Variants in CADM1 observed in about 807,000 individuals in gnomAD.
CADM1 encodes the protein TSLC-1.
A neutral mutation model predicts 53.1 loss-of-function variants in CADM1; 15 were observed. That is an observed-to-expected ratio of 0.28 (90% CI 0.19 to 0.44). The LOEUF is 0.44. CADM1 is among the 20% of genes least tolerant of loss of function. The probability of loss-of-function intolerance (pLI) is 1.00; values close to 1 mark genes in which losing one functional copy is unlikely to be tolerated. For missense variants in CADM1, 434 were observed against 611.3 expected (o/e 0.71, Z 3.06); for synonymous variants, 281 against 243.0 (o/e 1.16, Z -1.45).
chr11:115,240,365 C>T lies in CADM1; in HGVS notation c.180G>A (p.Ala60=), dbSNP rs140607939. The change falls in exon 2 of 12, where the codon GCG becomes GCA. Residue 60 remains alanine, a synonymous_variant. Coordinates refer to ENST00000331581, the MANE Select transcript of CADM1 (RefSeq NM_001301043.2). ...TCTTATTGACTTGGCAACTGATGGT[C>T]GCAACCTCTCCCTCGATCACTGTCA... ...KDVTVIEGEV[A]TISCQVNKSD... 3.1e-6 allele frequency: 5 copies of T among 1,613,714 alleles called. No individual in the cohort carries two copies. Among genetic ancestry groups the T allele is most frequent in the South Asian group, 1.1e-5 (1 of 91,058 alleles).
chr11:115,502,757 G>A (rs1949757134), intron 1 of CADM1, among the ~76,000 whole-genome samples: 1 of 152,048 alleles, frequency 6.6e-6, no homozygotes, highest in African/African-American at 2.4e-5. Context: ...CAAATCTCAA[G>A]CTAGCACCCC....
At chr11:115,198,273 A>T in intron 9 of CADM1, 133 bp downstream of exon 9, 1 of 663,760 alleles carries the variant, frequency 1.5e-6, no homozygotes, top group East Asian at 2.8e-5. Flanking sequence ...AACCTTAAAA[A>T]ATTATAGTAT....
intron 1 of CADM1, among the ~76,000 whole-genome samples, chr11:115,432,939 C>A (rs1297489362): frequency 1.3e-5 from 2 of 152,190 alleles, no homozygotes; most frequent in African/African-American, 4.8e-5. Flanking sequence ...ATGATCAAGG[C>A]CTATCTTCCT....
At position 115,173,900 on chromosome 11, in the gene CADM1, A is replaced by C; in HGVS notation, c.*2574T>G. 1 of 971,026 alleles carries C rather than the reference A, an allele frequency of 1.0e-6. No individual in the cohort carries two copies. The highest frequency in any genetic ancestry group is 1.2e-6 in the Non-Finnish European group (1 of 816,866). The allele number at this position is 971,026 out of a possible 1,614,324, so 60.2% of individuals were successfully genotyped here. On this transcript the variant is annotated 3_prime_UTR_variant, in exon 12 of 12. Coordinates refer to ENST00000331581, the MANE Select transcript of CADM1 (RefSeq NM_001301043.2). Reference sequence around the variant, plus strand: ...TCATTATTTTATATTCCTTTAAAAAACACAAAAAACAAGTTTGTTCTTTCT... The same window carrying C: ...TCATTATTTTATATTCCTTTAAAAACCACAAAAAACAAGTTTGTTCTTTCT...
At chr11:115,267,856 C>A (rs1361923038) in intron 1 of CADM1, among the ~76,000 whole-genome samples, 1 of 151,506 alleles carries the variant, frequency 6.6e-6, no homozygotes, top group Non-Finnish European at 1.5e-5. Flanking sequence ...TCAGGAACAG[C>A]CCCCTTGGAG....
Position 115,169,462 on chromosome 11 carries a change from C to T in CADM1, c.*7012G>A. On this transcript the variant is annotated 3_prime_UTR_variant, in exon 12 of 12. Transcript: ENST00000331581. ...ATACAATTTCAGCAGCAGCAATGGG[C>T]TTTGGCAGGGAAGTAGGAGCAAAAA... The T allele has an allele frequency of 2.5e-6, 1 of 393,708 alleles. No homozygotes were observed. The highest frequency in any genetic ancestry group is 5.0e-6 in the Non-Finnish European group (1 of 198,050). 24.4% of individuals were successfully genotyped at this position (393,708 alleles called of 1,614,324 possible). A position where few individuals can be genotyped will look rare whatever the true frequency, so the allele number is the denominator to read the frequency against.
At chr11:115,443,794 C>T (rs894451343) in intron 1 of CADM1, among the ~76,000 whole-genome samples, 2 of 152,216 alleles carry the variant, frequency 1.3e-5, no homozygotes, top group Admixed American at 6.5e-5. Flanking sequence ...AAGGTATCCA[C>T]AGTACCAAGA....
At chr11:115,222,368 T>C (rs1425066128) in intron 5 of CADM1, among the ~76,000 whole-genome samples, 1 of 152,060 alleles carries the variant, frequency 6.6e-6, no homozygotes, top group African/African-American at 2.4e-5. Flanking sequence ...GCTGTCTAAA[T>C]TGTTGGGGGA....
At chr11:115,449,074 C>A (rs931321821) in intron 1 of CADM1, among the ~76,000 whole-genome samples, 1 of 152,118 alleles carries the variant, frequency 6.6e-6, no homozygotes, top group Non-Finnish European at 1.5e-5. Context: ...TATGCAGGCA[C>A]CTTGTCCAAT....
At chr11:115,478,567 TTC>T (rs200537473) in intron 1 of CADM1, among the ~76,000 whole-genome samples, 4 of 152,080 alleles carry the variant, frequency 2.6e-5, no homozygotes, top group African/African-American at 7.2e-5. Flanking sequence ...GCTTTGTATC[TTC>T]TCTCTTTCTC....
intron 1 of CADM1, among the ~76,000 whole-genome samples, chr11:115,286,929 G>A (rs189779790): frequency 1.6e-4 from 25 of 152,260 alleles, no homozygotes; most frequent in Admixed American, 1.2e-3. Flanking sequence ...AAGTACATTC[G>A]CCTAATTGAA....
intron 1 of CADM1, among the ~76,000 whole-genome samples, chr11:115,289,235 G>A (rs752685504): frequency 3.6e-4 from 54 of 152,070 alleles, no homozygotes; most frequent in South Asian, 3.1e-3. Flanking sequence ...TGTGGTGGTG[G>A]GCGCCTGTAA....
At chr11:115,195,011 A>G (rs915674245) in intron 9 of CADM1, among the ~76,000 whole-genome samples, 1 of 152,246 alleles carries the variant, frequency 6.6e-6, no homozygotes, top group East Asian at 1.9e-4. Context: ...GCATTGCTCA[A>G]CATGCACACA....
intron 1 of CADM1, among the ~76,000 whole-genome samples, chr11:115,494,847 A>C (rs1949575211): frequency 1.3e-5 from 2 of 152,202 alleles, no homozygotes; most frequent in South Asian, 4.1e-4. Context: ...CATCTTGTAA[A>C]GTAAGCAGTT....
intron 5 of CADM1, among the ~76,000 whole-genome samples, chr11:115,220,713 G>A (rs998615065): frequency 1.3e-5 from 2 of 152,144 alleles, no homozygotes; most frequent in African/African-American, 4.8e-5. Flanking sequence ...TCTATGTGCC[G>A]AGATCTATCC....
At chr11:115,361,161 C>T (rs534973555) in intron 1 of CADM1, among the ~76,000 whole-genome samples, 1 of 152,262 alleles carries the variant, frequency 6.6e-6, no homozygotes, top group African/African-American at 2.4e-5. Context: ...AGCAAAACAA[C>T]CACTCAGACA....
chr11:115,263,322 G>A (rs1164326264), intron 1 of CADM1, among the ~76,000 whole-genome samples: 1 of 152,248 alleles, frequency 6.6e-6, no homozygotes, highest in Non-Finnish European at 1.5e-5. Flanking sequence ...AGAGGGAGCA[G>A]TATTAAAGAA....
At chr11:115,343,520 G>A (rs1945501241) in intron 1 of CADM1, among the ~76,000 whole-genome samples, 4 of 151,970 alleles carry the variant, frequency 2.6e-5, no homozygotes. Context: ...ATTTATAAGA[G>A]CAAATGACTA....
chr11:115,259,803 T>A (rs1306414455), intron 1 of CADM1, among the ~76,000 whole-genome samples: 2 of 152,194 alleles, frequency 1.3e-5, no homozygotes, highest in African/African-American at 4.8e-5. Flanking sequence ...CTCTTCAGCA[T>A]CGTTTTCTCC....
Sources: allele counts gnomAD v4.1 joint callset (sites outside exome capture counted in the v4.1 genomes callset), GRCh38; gene constraint gnomAD v4.1.1; transcripts MANE v1.5; gene names NCBI Gene and HGNC (gene_info 2026-07-23, HGNC 2026-07-21).